The following PDCD6IP variants were observed in gnomAD, a reference collection of about 807,000 sequenced individuals.
PDCD6IP encodes the protein programmed cell death 6-interacting protein.
A neutral mutation model predicts 103.7 loss-of-function variants in PDCD6IP; 43 were observed. That is an observed-to-expected ratio of 0.41 (90% CI 0.32 to 0.53). The LOEUF is 0.53. PDCD6IP is among the 20% of genes least tolerant of loss of function. The probability of loss-of-function intolerance (pLI) is 0.16; values close to 1 mark genes in which losing one functional copy is unlikely to be tolerated. For synonymous variants in PDCD6IP, 354 were observed against 378.7 expected, an observed-to-expected ratio of 0.93 and a Z score of 0.76; for missense variants, 871 against 1,036.7, an observed-to-expected ratio of 0.84 and a Z score of 2.20.
In PDCD6IP at chr3:33,863,834, A is replaced by G. The variant is rs909708871; in HGVS notation, c.2121-172A>G. 14 of 596,664 alleles carry G rather than the reference A, an allele frequency of 2.3e-5. No homozygotes were observed. The South Asian group carries it at 2.4e-4, about 10-fold the overall frequency. The allele number at this position is 596,664 out of a possible 1,614,324, so 37.0% of individuals were successfully genotyped here. ...AGTTTTAGTTTTTTGAGGGACCTCC[A>G]TACTGTTTTCCATAGTCACTGTACT... is the stretch of plus-strand genomic sequence containing the variant. On this transcript the variant is annotated intron_variant, in intron 15 of 17. Transcript: ENST00000307296.
At position 33,825,289 on chromosome 3, in the gene PDCD6IP, C is replaced by G. The variant is rs145300590; in HGVS notation, c.565C>G (p.Leu189Val). The G allele has an allele frequency of 4.3e-6, 7 of 1,613,238 alleles. No homozygotes were observed. Among genetic ancestry groups the G allele is most frequent in the Non-Finnish European group, 5.1e-6 (6 of 1,179,752 alleles). Residue 189 changes from leucine to valine, a missense_variant, in exon 5 of 18, where the codon CTT becomes GTT. Physicochemically the swap from Leu to Val is conservative, Grantham distance 32 (BLOSUM62 1). This residue lies in a region of PDCD6IP where 242 missense variants were observed against 250.7 expected (regional missense o/e 0.97). Coordinates refer to ENST00000307296, the MANE Select transcript of PDCD6IP (RefSeq NM_013374.6). ...ISPDTVGTLSLIMLAQAQEVF... is the reference protein window; with the variant it reads ...ISPDTVGTLSVIMLAQAQEVF... ...TCCAGATACTGTTGGGACCCTCAGT[C>G]TTATTATGCTGGCACAGGCTCAAGA... is the stretch of plus-strand genomic sequence containing the variant.
At chr3:33,860,440 G>C (rs1484952383) in intron 15 of PDCD6IP, among the ~76,000 whole-genome samples, 1 of 152,114 alleles carries the variant, frequency 6.6e-6, no homozygotes, top group Non-Finnish European at 1.5e-5. Context: ...GTATCTTGTT[G>C]AATGTTCACA....
At chr3:33,819,707 T>G (rs1330315994) in intron 3 of PDCD6IP, among the ~76,000 whole-genome samples, 1 of 152,252 alleles carries the variant, frequency 6.6e-6, no homozygotes, top group Non-Finnish European at 1.5e-5. Context: ...TAGATTGGTT[T>G]GTTCAGTGTT....
Position 33,852,660 on chromosome 3 carries a change from A to T in PDCD6IP, c.1814A>T (p.Asp605Val), listed in dbSNP as rs769827421. Residue 605 changes from aspartate (D) to valine (V), a missense_variant, in exon 13 of 18, where the codon GAT (aspartate) becomes GTT (valine). Transcript: ENST00000307296. ...NEEALSVTEL[D>V]RVYGGLTTKV... is the part of the protein sequence containing the mutation. ...GAAGCTCTTTCTGTTACTGAACTAG[A>T]TCGAGTCTATGGAGGTCTTACAACT... The T allele has an allele frequency of 3.1e-6, 5 of 1,598,366 alleles. No individual in the cohort carries two copies. The highest frequency in any genetic ancestry group is 1.7e-6 in the Non-Finnish European group (2 of 1,176,034).
chr3:33,823,991 G>A (rs1277008971), intron 4 of PDCD6IP, among the ~76,000 whole-genome samples: 1 of 152,082 alleles, frequency 6.6e-6, no homozygotes, highest in Non-Finnish European at 1.5e-5. Flanking sequence ...CCTTGTCTAG[G>A]CTGCTTGCCA....
intron 9 of PDCD6IP, among the ~76,000 whole-genome samples, 179 bp from the exon 10 acceptor site, chr3:33,841,715 CGCG>C (rs1697479285): frequency 1.3e-5 from 2 of 151,880 alleles, no homozygotes; most frequent in Non-Finnish European, 2.9e-5. Context: ...TGGGATTACA[CGCG>C]TGAGCCACCG....
intron 4 of PDCD6IP, among the ~76,000 whole-genome samples, chr3:33,823,560 G>T (rs1312141502): frequency 2.0e-5 from 3 of 152,190 alleles, no homozygotes; most frequent in African/African-American, 7.2e-5. Context: ...GTGGTGTGCG[G>T]ATCACGAGGT....
Position 33,866,527 on chromosome 3 carries a change from A to G in PDCD6IP, c.*2A>G, listed in dbSNP as rs1277623537. On this transcript the variant is annotated 3_prime_UTR_variant, in exon 18 of 18. Coordinates refer to ENST00000307296, the MANE Select transcript of PDCD6IP (RefSeq NM_013374.6). ...CAGTCTTACTATCCACAGCAGTAAT[A>G]TGTCTGCTCAGCAGCTCAGCTGATT... 3.1e-6 allele frequency: 5 copies of G among 1,594,922 alleles called. No individual in the cohort carries two copies. The highest frequency in any genetic ancestry group is 3.4e-6 in the Non-Finnish European group (4 of 1,173,460).
intron 3 of PDCD6IP, among the ~76,000 whole-genome samples, chr3:33,819,137 C>T (rs1427355861): frequency 1.3e-5 from 2 of 151,738 alleles, no homozygotes; most frequent in Non-Finnish European, 2.9e-5. Flanking sequence ...GTTGTTCACT[C>T]GTAATTTTTA....
chr3:33,821,982 G>A lies in PDCD6IP; in HGVS notation c.362G>A (p.Ser121Asn). Reference sequence around the variant, plus strand: ...CTTGCAAGCTTAGGATATGAAAAGAGCTGTGTGTTGTTCAATTGTGCAGCC... The same window carrying A: ...CTTGCAAGCTTAGGATATGAAAAGAACTGTGTGTTGTTCAATTGTGCAGCC... ...LALASLGYEK[S>N]CVLFNCAALA... The change falls in exon 4 of 18, where the codon AGC (serine) becomes AAC (asparagine). Residue 121 changes from serine to asparagine, a missense_variant. By Grantham distance (46) the Ser-to-Asn change is conservative. Transcript: ENST00000307296. The A allele has an allele frequency of 1.2e-6, 2 of 1,613,988 alleles. No individual in the cohort carries two copies. The highest frequency in any genetic ancestry group is 1.3e-5 in the African/African-American group (1 of 75,062).
chr3:33,848,777 G>C (rs1297694263), intron 12 of PDCD6IP, among the ~76,000 whole-genome samples: 2 of 152,124 alleles, frequency 1.3e-5, no homozygotes, highest in African/African-American at 2.4e-5. Flanking sequence ...TCTAAAACTG[G>C]GGTCAGGAAG....
chr3:33,826,840 C>A, intron 6 of PDCD6IP: 1 of 1,228,104 alleles, frequency 8.1e-7, no homozygotes, highest in East Asian at 4.4e-5. Context: ...AAATGTTGAC[C>A]ATCTGTTTTC....
intron 1 of PDCD6IP, 33 bp from the exon 2 acceptor site, chr3:33,812,039 T>C: frequency 6.4e-7 from 1 of 1,573,338 alleles, no homozygotes; most frequent in Non-Finnish European, 8.6e-7. Context: ...AATATTTAGC[T>C]CTGGTAATTA....
intron 1 of PDCD6IP, among the ~76,000 whole-genome samples, chr3:33,803,554 A>G (rs1696524882): frequency 6.6e-6 from 1 of 152,170 alleles, no homozygotes; most frequent in South Asian, 2.1e-4. Flanking sequence ...GTATGTTGCA[A>G]AAATCTTCCA....
At chr3:33,842,987 CATTATAT>C (rs1219738546) in intron 10 of PDCD6IP, among the ~76,000 whole-genome samples, 1 of 152,164 alleles carries the variant, frequency 6.6e-6, no homozygotes, top group African/African-American at 2.4e-5. Flanking sequence ...CATAAAAAGG[CATTATAT>C]ACCTGGTACC....
At chr3:33,829,386 C>T (rs1241972644) in intron 7 of PDCD6IP, among the ~76,000 whole-genome samples, 1 of 151,964 alleles carries the variant, frequency 6.6e-6, no homozygotes, top group Non-Finnish European at 1.5e-5. Flanking sequence ...TTGCCATGCT[C>T]CAGGAGTATG....
intron 7 of PDCD6IP, among the ~76,000 whole-genome samples, chr3:33,831,038 A>G (rs2125559767): frequency 6.6e-6 from 1 of 152,272 alleles, no homozygotes; most frequent in East Asian, 1.9e-4. Context: ...AATAGATAAA[A>G]TGGCAGCAAA....
intron 4 of PDCD6IP, 89 bp downstream of exon 4, chr3:33,822,171 T>C: frequency 1.5e-6 from 2 of 1,305,014 alleles, no homozygotes; most frequent in East Asian, 4.7e-5. Flanking sequence ...TAGATACTTC[T>C]TACGCAACAG....
At chr3:33,858,338 CA>C (rs1324944181) in intron 15 of PDCD6IP, among the ~76,000 whole-genome samples, 1 of 152,098 alleles carries the variant, frequency 6.6e-6, no homozygotes, top group Non-Finnish European at 1.5e-5. Flanking sequence ...ACTTATGCAT[CA>C]ACTGGGCGTG....
Sources: gnomAD v4.1 joint callset for allele counts (sites outside exome capture counted in the v4.1 genomes callset) on GRCh38, gnomAD v4.1.1 for gene constraint, gnomAD v4.1.1 regional missense constraint, MANE v1.5 for transcripts, NCBI Gene and HGNC (gene_info 2026-07-23, HGNC 2026-07-21) for gene names.